POU6F2: variants seen among roughly 807,000 people sequenced by gnomAD.
POU6F2 encodes POU domain, class 6, transcription factor 2.
Under a neutral mutation model 71.3 loss-of-function variants are expected in POU6F2, and 31 were observed. The ratio of observed to expected loss-of-function variants is 0.43; its 90% CI spans 0.33 to 0.59. The LOEUF is 0.59. Among genes scored for constraint, POU6F2 ranks in the 20% least tolerant of loss-of-function variants. POU6F2 has a pLI of 0.04. For missense variants in POU6F2, 783 were observed against 856.8 expected (o/e 0.91, Z 1.07); for synonymous variants, 347 against 355.7 (o/e 0.98, Z 0.27).
At chr7:39,025,446 A>T (rs372810443) in intron 1 of POU6F2, among the ~76,000 whole-genome samples, 1 of 152,188 alleles carries the variant, frequency 6.6e-6, no homozygotes, top group Non-Finnish European at 1.5e-5. Context: ...ATAAAGCCGC[A>T]TATCTACAAC....
intron 6 of POU6F2, among the ~76,000 whole-genome samples, chr7:39,430,511 T>C (rs1449094341): frequency 6.6e-6 from 1 of 152,174 alleles, no homozygotes; most frequent in East Asian, 1.9e-4. Flanking sequence ...GCTGGCACAG[T>C]TGAAAGTGAG....
At chr7:39,168,456 G>A (rs181185406) in intron 2 of POU6F2, among the ~76,000 whole-genome samples, 19 of 152,250 alleles carry the variant, frequency 1.2e-4, no homozygotes, top group East Asian at 5.8e-4. Context: ...TCTACCAGGC[G>A]TTATTCCACA....
intron 2 of POU6F2, among the ~76,000 whole-genome samples, chr7:39,179,962 T>C (rs1362656411): frequency 1.3e-5 from 2 of 152,070 alleles, no homozygotes; most frequent in Non-Finnish European, 2.9e-5. Flanking sequence ...AATGAGAAAA[T>C]GTATGTGAAA....
chr7:39,074,060 C>T (rs1319924153), intron 1 of POU6F2, among the ~76,000 whole-genome samples: 2 of 152,116 alleles, frequency 1.3e-5, no homozygotes, highest in African/African-American at 4.8e-5. Flanking sequence ...TTTTAAAAAT[C>T]TAAATTGGCC....
chr7:39,176,733 C>G (rs964969601), intron 2 of POU6F2, among the ~76,000 whole-genome samples: 2 of 152,134 alleles, frequency 1.3e-5, no homozygotes, highest in African/African-American at 4.8e-5. Flanking sequence ...CTTGTGTTAG[C>G]AAGAAATAAC....
rs757368376 is a variant in POU6F2 at position 39,339,835 on chromosome 7, G to A, written c.792G>A (p.Pro264=). ...PQQPPPASQQ[P]PAPTSQLQQA... is the part of the protein sequence containing the mutation. ...AGCCACCACCCGCCTCTCAGCAGCC[G>A]CCAGCTCCTACATCTCAGCTGCAAC... The change falls in exon 5 of 10, where the codon CCG becomes CCA. Residue 264 remains proline, a synonymous_variant. Transcript: ENST00000518318. 13 of 1,584,966 alleles carry A rather than the reference G, an allele frequency of 8.2e-6. No individual in the cohort carries two copies. The highest frequency in any genetic ancestry group is 1.7e-4 in the Middle Eastern group (1 of 6,000).
intron 4 of POU6F2, among the ~76,000 whole-genome samples, chr7:39,262,736 T>TTTGTTGTTG (rs112619101): frequency 6.6e-6 from 1 of 151,564 alleles, no homozygotes; most frequent in Non-Finnish European, 1.5e-5. Context: ...ATAGTTGTAG[T>TTTGTTGTTG]TTGTTGTTGT....
Position 39,371,182 on chromosome 7 carries a change from G to GT in POU6F2, c.972+31181dup, listed in dbSNP as rs1203889084. 9.4e-3 allele frequency among the ~76,000 whole-genome samples: 1,350 copies of GT among 143,198 alleles called. 6 individuals are homozygous for GT. The highest frequency in any genetic ancestry group is 0.011 in the African/African-American group (416 of 39,408). 93.9% of individuals were successfully genotyped at this position (143,198 alleles called of 152,430 possible). A position where few individuals can be genotyped will look rare whatever the true frequency, so the allele number is the denominator to read the frequency against. ...AAAAAGAAGCCAGACTCGGAGAATG[G>GT]TTTTTTTTTTTTTTGAGACAAGAGT... On this transcript the variant is annotated intron_variant, in intron 5 of 9. Coordinates refer to ENST00000518318, the MANE Select transcript of POU6F2 (RefSeq NM_001370959.1).
chr7:39,067,077 T>G (rs1584525500), intron 1 of POU6F2, among the ~76,000 whole-genome samples: 1 of 149,040 alleles, frequency 6.7e-6, no homozygotes, highest in East Asian at 1.9e-4. Context: ...ATATATACAC[T>G]TAACGTATAC....
intron 6 of POU6F2, among the ~76,000 whole-genome samples, chr7:39,428,107 T>C (rs550856097): frequency 5.3e-5 from 8 of 152,224 alleles, no homozygotes; most frequent in Non-Finnish European, 1.0e-4. Flanking sequence ...TCATTATGGC[T>C]TAAGTTATAA....
At chr7:39,278,111 G>A (rs1784489348) in intron 4 of POU6F2, among the ~76,000 whole-genome samples, 1 of 41,584 alleles carries the variant, frequency 2.4e-5, no homozygotes, top group Admixed American at 2.9e-4. Flanking sequence ...GAGGGAGGGG[G>A]GGAGGGAGGG....
chr7:39,146,750 C>T lies in POU6F2; in HGVS notation c.278-57485C>T, dbSNP rs141804763. Among the ~76,000 whole-genome samples, 3 of 152,162 alleles carry T rather than the reference C, an allele frequency of 2.0e-5. No homozygotes were observed. The East Asian group carries it at 5.8e-4, about 29-fold the overall frequency. On this transcript the variant is annotated intron_variant, in intron 2 of 9. Transcript: ENST00000518318. ...AAATTATTTTATTTCTGATTCTCAT[C>T]GAGGCACAGGAAACTGAGACTCAGG... is the stretch of plus-strand genomic sequence containing the variant.
rs891404742 is a variant in POU6F2 at position 38,978,067 on chromosome 7, T to A, written c.105+9T>A. ...AAGCTGTAATTGGTCAGGTATGGAG[T>A]CAGCCATTTCTCAACTCCCCTTTTT... is the stretch of plus-strand genomic sequence containing the variant. On this transcript the variant is annotated intron_variant, in intron 1 of 9. Coordinates refer to ENST00000518318, the MANE Select transcript of POU6F2 (RefSeq NM_001370959.1). 6.6e-6 allele frequency: 1 copy of A among 152,040 alleles called. No individual in the cohort carries two copies. Among genetic ancestry groups the A allele is most frequent in the African/African-American group, 2.4e-5 (1 of 41,388 alleles). The allele number at this position is 152,040 out of a possible 1,614,324, so 9.4% of individuals were successfully genotyped here. A position where few individuals can be genotyped will look rare whatever the true frequency, so the allele number is the denominator to read the frequency against.
intron 1 of POU6F2, among the ~76,000 whole-genome samples, chr7:39,072,264 G>A (rs10081389): frequency 0.34 from 51,821 of 152,070 alleles, 9,127 homozygotes; most frequent in South Asian, 0.45. Context: ...AATTCCAGCC[G>A]TGGAGGATCA....
chr7:39,461,631 G>A (rs1788951842), intron 9 of POU6F2, among the ~76,000 whole-genome samples: 2 of 152,158 alleles, frequency 1.3e-5, no homozygotes, highest in African/African-American at 4.8e-5. Context: ...GGACGGAAGT[G>A]TACTTTTCCT....
chr7:39,325,608 A>C (rs1241206896), intron 4 of POU6F2, among the ~76,000 whole-genome samples: 1 of 152,196 alleles, frequency 6.6e-6, no homozygotes, highest in Non-Finnish European at 1.5e-5. Context: ...TTTAATCTGA[A>C]CTGACAGATC....
intron 8 of POU6F2, among the ~76,000 whole-genome samples, chr7:39,458,996 T>G (rs1788877718): frequency 6.6e-6 from 1 of 152,208 alleles, no homozygotes; most frequent in Non-Finnish European, 1.5e-5. Flanking sequence ...CCATTAGTTC[T>G]TGATTATACT....
intron 1 of POU6F2, among the ~76,000 whole-genome samples, chr7:38,997,838 A>G (rs1400437482): frequency 6.6e-6 from 1 of 152,210 alleles, no homozygotes; most frequent in East Asian, 1.9e-4. Context: ...GATGAATTTT[A>G]TATAGTTTTA....
intron 1 of POU6F2, among the ~76,000 whole-genome samples, chr7:39,045,138 T>C (rs966990491): frequency 1.3e-5 from 2 of 151,970 alleles, no homozygotes; most frequent in African/African-American, 2.4e-5. Context: ...CCTGTAGTTA[T>C]GATATAGTAC....
Sources: allele counts gnomAD v4.1 joint callset (sites outside exome capture counted in the v4.1 genomes callset), GRCh38; gene constraint gnomAD v4.1.1; transcripts MANE v1.5; gene names NCBI Gene and HGNC (gene_info 2026-07-23, HGNC 2026-07-21).